The following ORC5 variants were observed in gnomAD, a reference collection of about 807,000 sequenced individuals.
ORC5 encodes the protein origin recognition complex subunit 5.
A neutral mutation model predicts 58.8 loss-of-function variants in ORC5; 39 were observed. The ratio of observed to expected loss-of-function variants is 0.66; its 90% CI spans 0.51 to 0.87. The LOEUF (loss-of-function observed/expected upper bound fraction) is 0.87. ORC5 is among the 40% of genes least tolerant of loss of function. ORC5 has a pLI of 0.00. For missense variants in ORC5, 493 were observed against 506.3 expected, an observed-to-expected ratio of 0.97 and a Z score of 0.25; for synonymous variants, 218 against 177.6, an observed-to-expected ratio of 1.23 and a Z score of -1.81.
chr7:104,168,664 A>ATTTTTTTTTTTTTTTTTTTTTTTTTTTT, intron 8 of ORC5, 139 bp from the exon 9 acceptor site: 1 of 488,740 alleles, frequency 2.0e-6, no homozygotes. Context: ...TGCAATAAAC[A>ATTTTTTTTTTTTTTTTTTTTTTTTTTTT]TGTTTGTACC....
Position 104,166,837 on chromosome 7 carries a change from T to C in ORC5, c.925A>G (p.Ile309Val), listed in dbSNP as rs1397382615. 1.9e-6 allele frequency: 3 copies of C among 1,613,172 alleles called. No individual in the cohort carries two copies. The highest frequency in any genetic ancestry group is 1.7e-5 in the Admixed American group (1 of 59,986). Residue 309 changes from isoleucine to valine, a missense_variant, in exon 10 of 14, where the codon ATT becomes GTT. By Grantham distance (29) the Ile-to-Val change is conservative. This residue lies in a region of ORC5 where 412 missense variants were observed against 403.7 expected (regional missense o/e 1.02). Transcript: ENST00000297431. Reference protein sequence around the residue: ...HVELPYYSKFILIAAYLASYN... With the variant: ...HVELPYYSKFVLIAAYLASYN... Reference sequence around the variant, plus strand: ...GAAGCAAGGTATGCAGCAATTAGAATGAACTTAGAGTAATATGGAAGTTCC... The same window carrying C: ...GAAGCAAGGTATGCAGCAATTAGAACGAACTTAGAGTAATATGGAAGTTCC...
chr7:104,160,817 A>T (rs1799009637), intron 12 of ORC5, among the ~76,000 whole-genome samples: 1 of 152,190 alleles, frequency 6.6e-6, no homozygotes, highest in Non-Finnish European at 1.5e-5. Flanking sequence ...ATTTAATTTT[A>T]AAAATTCCTT....
chr7:104,137,219 C>T (rs1798604034), intron 12 of ORC5, among the ~76,000 whole-genome samples: 1 of 148,510 alleles, frequency 6.7e-6, no homozygotes, highest in African/African-American at 2.5e-5. Flanking sequence ...CCTCTCAACT[C>T]AGTCTTCCCA....
At chr7:104,181,658 G>A (rs553040457) in intron 8 of ORC5, among the ~76,000 whole-genome samples, 1 of 152,162 alleles carries the variant, frequency 6.6e-6, no homozygotes, top group East Asian at 1.9e-4. Flanking sequence ...CAGGTGTGGT[G>A]GTGGGCACCT....
At chr7:104,161,043 G>GAC in intron 12 of ORC5, 29 bp downstream of exon 12, 1 of 1,168,836 alleles carries the variant, frequency 8.6e-7, no homozygotes, top group Non-Finnish European at 1.3e-6. Context: ...CCACAAAGAT[G>GAC]ACAGATAATA....
chr7:104,207,712 T>A, intron 1 of ORC5, 121 bp downstream of exon 1: 1 of 817,294 alleles, frequency 1.2e-6, no homozygotes, highest in Non-Finnish European at 2.0e-6. Context: ...AACACCCCTA[T>A]TTAACGTAAA....
At position 104,165,243 on chromosome 7, in the gene ORC5, G is replaced by GT; in HGVS notation, c.1029dup (p.His344ThrfsTer25). 6.0e-6 allele frequency: 9 copies of GT among 1,499,556 alleles called. No homozygotes were observed. Among genetic ancestry groups the GT allele is most frequent in the African/African-American group, 1.4e-5 (1 of 71,848 alleles). 92.9% of individuals were successfully genotyped at this position (1,499,556 alleles called of 1,614,324 possible). A position where few individuals can be genotyped will look rare whatever the true frequency, so the allele number is the denominator to read the frequency against. The stretch of plus-strand genomic sequence containing the variant: ...AATTAAAATGTAAATACCTTTTCGT[G>GT]TTTTTTTAGAAAGTTGGTTTTCTTG... On this transcript the variant is annotated frameshift_variant, in exon 11 of 14. Transcript: ENST00000297431. LOFTEE classifies it high-confidence loss of function.
At chr7:104,167,132 T>C (rs1045631799) in intron 9 of ORC5, among the ~76,000 whole-genome samples, 1 of 152,140 alleles carries the variant, frequency 6.6e-6, no homozygotes, top group Non-Finnish European at 1.5e-5. Flanking sequence ...TACTCGTTCT[T>C]CTCTTCAAGG....
chr7:104,195,158 G>A lies in ORC5; in HGVS notation c.538C>T (p.Pro180Ser). Residue 180 changes from proline (P) to serine (S), a missense_variant, in exon 5 of 14, where the codon CCT becomes TCT. Physicochemically the swap from Pro to Ser is moderately conservative, Grantham distance 74. Around this residue, in one of 3 missense-constraint regions of ORC5, gnomAD observed 412 missense variants for 403.7 expected, o/e 1.02. Transcript: ENST00000297431. ...TAAGGTTTACCTATGCTGTAATCAG[G>A]GAAATATAAGACAAACGGCTCAAAG... ...GCFEPFVLYF[P>S]DYSIGNLQKI... is the part of the protein sequence containing the mutation. 2 of 1,553,512 alleles carry A rather than the reference G, an allele frequency of 1.3e-6. No homozygotes were observed. Among genetic ancestry groups the A allele is most frequent in the Middle Eastern group, 1.7e-4 (1 of 5,946 alleles).
chr7:104,137,232 T>G (rs1222750130), intron 12 of ORC5, among the ~76,000 whole-genome samples: 2 of 147,768 alleles, frequency 1.4e-5, no homozygotes, highest in Non-Finnish European at 3.0e-5. Flanking sequence ...TCTTCCCAAG[T>G]GGCTGGGACT....
intron 13 of ORC5, among the ~76,000 whole-genome samples, chr7:104,134,744 G>A (rs1798563417): frequency 6.6e-6 from 1 of 152,128 alleles, no homozygotes; most frequent in South Asian, 2.1e-4. Context: ...TCAGGTTTTA[G>A]CTAAGGCAAT....
chr7:104,201,968 T>C (rs2116097711), intron 2 of ORC5, among the ~76,000 whole-genome samples: 1 of 152,162 alleles, frequency 6.6e-6, no homozygotes, highest in South Asian at 2.1e-4. Flanking sequence ...TGCACATCTA[T>C]AGTCCCAGCT....
chr7:104,185,305 C>G (rs1425205692), intron 6 of ORC5, among the ~76,000 whole-genome samples: 1 of 151,658 alleles, frequency 6.6e-6, no homozygotes, highest in Non-Finnish European at 1.5e-5. Context: ...TCCCGTTAAT[C>G]TATTATTAGT....
chr7:104,160,731 ATT>A (rs1799008352), intron 12 of ORC5, among the ~76,000 whole-genome samples: 1 of 152,096 alleles, frequency 6.6e-6, no homozygotes, highest in African/African-American at 2.4e-5. Context: ...AAATTTTTCA[ATT>A]TTGTTTTCAT....
At chr7:104,131,794 G>A (rs1798515621) in intron 13 of ORC5, among the ~76,000 whole-genome samples, 1 of 151,434 alleles carries the variant, frequency 6.6e-6, no homozygotes, top group South Asian at 2.1e-4. Flanking sequence ...AGAGGCTGCA[G>A]TGAGCCGAGA....
intron 4 of ORC5, among the ~76,000 whole-genome samples, chr7:104,196,109 A>G (rs1002889854): frequency 6.6e-6 from 1 of 152,176 alleles, no homozygotes; most frequent in African/African-American, 2.4e-5. Context: ...AAATCTTTTA[A>G]TTTTCTTCAA....
At chr7:104,175,330 CCT>C (rs1438700617) in intron 8 of ORC5, among the ~76,000 whole-genome samples, 1 of 152,124 alleles carries the variant, frequency 6.6e-6, no homozygotes, top group Non-Finnish European at 1.5e-5. Flanking sequence ...AATTTCTCTA[CCT>C]CTCTATTTTT....
At chr7:104,156,137 G>A (rs951829903) in intron 12 of ORC5, among the ~76,000 whole-genome samples, 1 of 151,452 alleles carries the variant, frequency 6.6e-6, no homozygotes, top group African/African-American at 2.4e-5. Flanking sequence ...TGAAGTTCAG[G>A]CATACATAGA....
At chr7:104,194,131 T>C (rs966436163) in intron 5 of ORC5, among the ~76,000 whole-genome samples, 16 of 150,756 alleles carry the variant, frequency 1.1e-4, no homozygotes, top group Non-Finnish European at 1.6e-4. Flanking sequence ...AAATCCTTTA[T>C]CACTTTTCCT....
Sources: allele counts gnomAD v4.1 joint callset (sites outside exome capture counted in the v4.1 genomes callset), GRCh38; gene constraint gnomAD v4.1.1; regional missense constraint gnomAD v4.1.1; transcripts MANE v1.5; gene names NCBI Gene and HGNC (gene_info 2026-07-23, HGNC 2026-07-21).